The following VPS13C variants were observed in gnomAD, a reference collection of about 807,000 sequenced individuals.
VPS13C encodes intermembrane lipid transfer protein VPS13C.
A neutral mutation model predicts 456.8 loss-of-function variants in VPS13C; 358 were observed. The observed-to-expected ratio is 0.78, with a 90% CI of 0.72 to 0.86. The LOEUF (loss-of-function observed/expected upper bound fraction) is 0.86. Among genes scored for constraint, VPS13C ranks in the 40% least tolerant of loss-of-function variants. The pLI, the probability that VPS13C is intolerant of heterozygous loss-of-function variation, is 0.00. For synonymous variants in VPS13C, 1,578 were observed against 1,486.7 expected (o/e 1.06, Z -1.41); for missense variants, 4,818 against 4,385.4 (o/e 1.10, Z -2.79).
In VPS13C at chr15:61,863,506, C is replaced by T; in HGVS notation, c.10886G>A (p.Gly3629Glu). 5 of 1,612,746 alleles carry T rather than the reference C, an allele frequency of 3.1e-6. No homozygotes were observed. Among genetic ancestry groups the T allele is most frequent in the Non-Finnish European group, 3.4e-6 (4 of 1,179,126 alleles). ...LLENHIKKLEGETYRYHCAIP... is the reference protein window; with the variant it reads ...LLENHIKKLEEETYRYHCAIP... ...AGCACAGTGGTATCGGTAAGTCTCT[C>T]CTTCCAACTTTTTGATATGATTCTG... is the stretch of plus-strand genomic sequence containing the variant. Residue 3629 changes from glycine to glutamate, a missense_variant, in exon 82 of 85, where the codon GGA (glycine) becomes GAA (glutamate). Gly to Glu is a moderately conservative substitution (Grantham distance 98). Around this residue, in one of 3 missense-constraint regions of VPS13C, gnomAD observed 261 missense variants for 234.1 expected, o/e 1.11. Coordinates refer to ENST00000644861, the MANE Select transcript of VPS13C (RefSeq NM_020821.3).
intron 16 of VPS13C, among the ~76,000 whole-genome samples, chr15:61,999,475 G>A (rs2046521196): frequency 6.6e-6 from 1 of 151,974 alleles, no homozygotes; most frequent in African/African-American, 2.4e-5. Flanking sequence ...GTTTGTTCAA[G>A]GGTCAACTGT....
At chr15:61,874,975 A>G (rs1895307665) in intron 76 of VPS13C, 24 bp from the exon 77 acceptor site, 7 of 1,524,624 alleles carry the variant, frequency 4.6e-6, no homozygotes, top group East Asian at 2.3e-5. Context: ...ATAAAAAATA[A>G]TCTTATTATT....
chr15:61,911,511 T>A (rs879775824), intron 63 of VPS13C, among the ~76,000 whole-genome samples: 3 of 152,190 alleles, frequency 2.0e-5, no homozygotes, highest in Non-Finnish European at 4.4e-5. Flanking sequence ...TTTAAGATAA[T>A]AGCTTCTTGA....
At chr15:61,987,212 TA>T (rs34766963) in intron 18 of VPS13C, among the ~76,000 whole-genome samples, 390 of 138,594 alleles carry the variant, frequency 2.8e-3, no homozygotes, top group Middle Eastern at 7.2e-3. Flanking sequence ...AAAACACTCT[TA>T]AAAAAAAAAA....
chr15:61,887,044 C>T lies in VPS13C; in HGVS notation c.9342-2775G>A, dbSNP rs138132649. Among the ~76,000 whole-genome samples, 1,048 of 152,184 alleles carry T rather than the reference C, an allele frequency of 6.9e-3. 9 individuals carry two copies. The highest frequency in any genetic ancestry group is 0.024 in the African/African-American group (1,006 of 41,518). On this transcript the variant is annotated intron_variant, in intron 67 of 84. Coordinates refer to ENST00000644861, the MANE Select transcript of VPS13C (RefSeq NM_020821.3). ...CAACCATTCCCACCTCAACATAGTA[C>T]TGGAAGTCCAAGATGTGATAAGACA...
In VPS13C at chr15:61,865,354, T is replaced by C. The variant is rs182731488; in HGVS notation, c.10864-1826A>G. On this transcript the variant is annotated intron_variant, in intron 81 of 84. Coordinates refer to ENST00000644861, the MANE Select transcript of VPS13C (RefSeq NM_020821.3). ...GAATTAAGACGAGATAAAAACACAA[T>C]GTAATGTCACCTCAATAGATGGCAA... 3.2e-4 allele frequency: 318 copies of C among 979,644 alleles called. 1 individual carries two copies. In the African/African-American group the frequency reaches 3.9e-3, roughly 12 times the overall value. The allele number at this position is 979,644 out of a possible 1,614,324, so 60.7% of individuals were successfully genotyped here. A position where few individuals can be genotyped will look rare whatever the true frequency, so the allele number is the denominator to read the frequency against.
At chr15:61,876,310 T>C (rs182258156) in intron 75 of VPS13C, among the ~76,000 whole-genome samples, 10 of 152,154 alleles carry the variant, frequency 6.6e-5, no homozygotes, top group Non-Finnish European at 1.2e-4. Flanking sequence ...TACACTGTCC[T>C]TGCATGGGTG....
intron 25 of VPS13C, among the ~76,000 whole-genome samples, chr15:61,973,764 T>C (rs1270892690): frequency 3.3e-5 from 5 of 152,176 alleles, no homozygotes; most frequent in Non-Finnish European, 5.9e-5. Context: ...AGGGCAAAAC[T>C]AAGCCCAGCT....
At position 61,884,253 on chromosome 15, in the gene VPS13C, C is replaced by T; in HGVS notation, c.9358G>A (p.Glu3120Lys). 6.2e-7 allele frequency: 1 copy of T among 1,610,614 alleles called. No individual in the cohort carries two copies. The highest frequency in any genetic ancestry group is 8.5e-7 in the Non-Finnish European group (1 of 1,178,846). ...TTCCATTTCTGCTTTGGTTTCACCT[C>T]CCAAACAACACCAGAACTAAATAAT... ...IGITSSGVVW[E>K]VKPKQKWKPF... Residue 3120 changes from glutamate (E) to lysine (K), a missense_variant, in exon 68 of 85, where the codon GAG (glutamate) becomes AAG (lysine). By Grantham distance (56) the Glu-to-Lys change is moderately conservative. Coordinates refer to ENST00000644861, the MANE Select transcript of VPS13C (RefSeq NM_020821.3).
intron 76 of VPS13C, 73 bp from the exon 77 acceptor site, chr15:61,875,024 G>C: frequency 1.5e-6 from 2 of 1,316,894 alleles, no homozygotes; most frequent in Admixed American, 2.7e-5. Context: ...AATAGTTCAG[G>C]GTTTGCAAGA....
In VPS13C at chr15:61,875,816, C is replaced by T. The variant is rs757159342; in HGVS notation, c.10254G>A (p.Leu3418=). Residue 3418 remains leucine (L), a synonymous_variant, in exon 76 of 85, where the codon TTG becomes TTA. Transcript: ENST00000644861. The part of the protein sequence containing the change: ...QFLKQMYVLV[L]GLDVLGNPFG... ...ATGGGTTTCCAAGTACATCTAACCC[C>T]AATACAAGGACATACATCTGTTTCA... 1 of 1,600,198 alleles carries T rather than the reference C, an allele frequency of 6.2e-7. No individual in the cohort carries two copies. The highest frequency in any genetic ancestry group is 8.5e-7 in the Non-Finnish European group (1 of 1,175,390).
intron 16 of VPS13C, among the ~76,000 whole-genome samples, chr15:61,997,491 T>A (rs2046428376): frequency 6.6e-6 from 1 of 152,142 alleles, no homozygotes; most frequent in South Asian, 2.1e-4. Context: ...AATTGCCTAC[T>A]CCACTGCCCC....
In VPS13C at chr15:61,868,731, A is replaced by C. The variant is rs1894777310; in HGVS notation, c.10791T>G (p.Pro3597=). ...TGATGCCATCTTCATGGATCAGGCG[A>C]GGGGGACGGAGGCTAGATACTTCCT... ...STEEVSSLRP[P]RLIHEDGIIR... The change falls in exon 81 of 85, where the codon CCT becomes CCG. Residue 3597 remains proline, a synonymous_variant. Coordinates refer to ENST00000644861, the MANE Select transcript of VPS13C (RefSeq NM_020821.3). The C allele has an allele frequency of 6.2e-7, 1 of 1,613,988 alleles. No individual in the cohort carries two copies. Among genetic ancestry groups the C allele is most frequent in the Non-Finnish European group, 8.5e-7 (1 of 1,180,016 alleles).
Position 61,878,725 on chromosome 15 carries a change from CCAAAGA to C in VPS13C, c.10018_10023del (p.Ser3340_Leu3341del), listed in dbSNP as rs1895641308. On this transcript the variant is annotated inframe_deletion, in exon 74 of 85. Transcript: ENST00000644861. The stretch of plus-strand genomic sequence containing the variant: ...TTGTCTGATTCTTCACCTCCGGAAC[CCAAAGA>C]CAAACTCAAATGCAACTAAAAGAAA... 6.2e-7 allele frequency: 1 copy of C among 1,606,036 alleles called. No homozygotes were observed. Among genetic ancestry groups the C allele is most frequent in the Admixed American group, 1.7e-5 (1 of 58,378 alleles).
chr15:62,013,896 T>C lies in VPS13C; in HGVS notation c.744+37A>G, dbSNP rs914755946. 3 of 1,475,754 alleles carry C rather than the reference T, an allele frequency of 2.0e-6. No individual in the cohort carries two copies. In the African/African-American group the frequency reaches 4.2e-5, roughly 21 times the overall value. The allele number at this position is 1,475,754 out of a possible 1,614,324, so 91.4% of individuals were successfully genotyped here. A position where few individuals can be genotyped will look rare whatever the true frequency, so the allele number is the denominator to read the frequency against. On this transcript the variant is annotated intron_variant, in intron 10 of 84. Coordinates refer to ENST00000644861, the MANE Select transcript of VPS13C (RefSeq NM_020821.3). The stretch of plus-strand genomic sequence containing the variant: ...TTCAAGAAAATAAATTAAGTGCACC[T>C]AGGAAACTAACAAAAATTTTTATTC...
chr15:61,973,576 C>A (rs2045619178), intron 25 of VPS13C, 44 bp from the exon 26 acceptor site: 1 of 1,454,304 alleles, frequency 6.9e-7, no homozygotes, highest in African/African-American at 1.4e-5. Flanking sequence ...GATGACTTAG[C>A]AGGATTAAAT....
At chr15:62,059,852 C>CCTT (rs1040768963) in intron 1 of VPS13C, among the ~76,000 whole-genome samples, 13 of 152,322 alleles carry the variant, frequency 8.5e-5, no homozygotes, top group South Asian at 4.1e-4. Flanking sequence ...GCAACTTCCT[C>CCTT]CTTTTTTCTT....
intron 10 of VPS13C, 107 bp downstream of exon 10, chr15:62,013,825 CT>C: frequency 1.2e-6 from 1 of 800,030 alleles, no homozygotes; most frequent in African/African-American, 1.7e-5. Context: ...AGACCCTAGA[CT>C]TTTAACTCAC....
intron 66 of VPS13C, among the ~76,000 whole-genome samples, chr15:61,900,711 TC>T (rs1298911067): frequency 2.0e-5 from 3 of 151,020 alleles, no homozygotes; most frequent in Admixed American, 6.6e-5. Context: ...TTCAATGCCA[TC>T]CCCATCAAGC....
Sources: gnomAD v4.1 joint callset for allele counts (sites outside exome capture counted in the v4.1 genomes callset) on GRCh38, gnomAD v4.1.1 for gene constraint, gnomAD v4.1.1 regional missense constraint, MANE v1.5 for transcripts, NCBI Gene and HGNC (gene_info 2026-07-23, HGNC 2026-07-21) for gene names.